The following PCDHA11 variants were observed in gnomAD, a reference collection of about 807,000 sequenced individuals.
PCDHA11 encodes the protein protocadherin alpha 11.
A neutral mutation model predicts 70.3 loss-of-function variants in PCDHA11; 61 were observed. The ratio of observed to expected loss-of-function variants is 0.87; its 90% CI spans 0.71 to 1.07. The LOEUF is 1.07. Among genes scored for constraint, PCDHA11 ranks in the 50% least tolerant of loss-of-function variants. The probability of loss-of-function intolerance (pLI) is 0.00; values close to 1 mark genes in which losing one functional copy is unlikely to be tolerated. For synonymous variants in PCDHA11, 633 were observed against 555.1 expected (o/e 1.14, Z -1.97); for missense variants, 1,324 against 1,237.5 (o/e 1.07, Z -1.05).
At chr5:140,951,047 A>T (rs2094543631) in intron 1 of PCDHA11, among the ~76,000 whole-genome samples, 1 of 151,878 alleles carries the variant, frequency 6.6e-6, no homozygotes, top group Non-Finnish European at 1.5e-5. Flanking sequence ...TTATATTTTT[A>T]TTGCTAAAAT....
intron 1 of PCDHA11, chr5:140,927,767 A>G (rs2084615997): frequency 6.2e-7 from 1 of 1,614,176 alleles, no homozygotes. Context: ...AAAAGTGGGG[A>G]GGTGCAAGTA....
chr5:140,934,999 T>C (rs2090139389), intron 1 of PCDHA11, among the ~76,000 whole-genome samples: 1 of 152,196 alleles, frequency 6.6e-6, no homozygotes, highest in Admixed American at 6.5e-5. Flanking sequence ...CCTGAATCCT[T>C]TTCATGTGAG....
chr5:140,912,640 T>C (rs181860319), intron 1 of PCDHA11, among the ~76,000 whole-genome samples: 5 of 152,296 alleles, frequency 3.3e-5, no homozygotes, highest in Non-Finnish European at 7.4e-5. Flanking sequence ...TTCAGTACTA[T>C]GTTGAATAGA....
At position 140,976,185 on chromosome 5, in the gene PCDHA11, A is replaced by G. The variant is rs545410193; in HGVS notation, c.2392-2764A>G. Among the ~76,000 whole-genome samples the G allele has an allele frequency of 4.6e-5, 7 of 152,340 alleles. No homozygotes were observed. The South Asian group carries it at 1.2e-3, about 27-fold the overall frequency. ...TTTAGTTTTGTATTGTTTTAAATCAATATCCTGGAAACTCAGAAGTAAAAA... is the reference window on the plus strand; with the variant it reads ...TTTAGTTTTGTATTGTTTTAAATCAGTATCCTGGAAACTCAGAAGTAAAAA... On this transcript the variant is annotated intron_variant, in intron 1 of 3. Coordinates refer to ENST00000398640, the MANE Select transcript of PCDHA11 (RefSeq NM_018902.5).
chr5:140,882,660 C>G lies in PCDHA11; in HGVS notation c.2391+11166C>G, dbSNP rs147326638. Reference sequence around the variant, plus strand: ...GTGAGGGACATTAACGACAACCCGCCCATATTCCCTGAAAGCAAGAAACGA... The same window carrying G: ...GTGAGGGACATTAACGACAACCCGCGCATATTCCCTGAAAGCAAGAAACGA... On this transcript the variant is annotated intron_variant, in intron 1 of 3. Coordinates refer to ENST00000398640, the MANE Select transcript of PCDHA11 (RefSeq NM_018902.5). 14 of 1,614,090 alleles carry G rather than the reference C, an allele frequency of 8.7e-6. No individual in the cohort carries two copies. Among genetic ancestry groups the G allele is most frequent in the African/African-American group, 1.3e-5 (1 of 74,928 alleles).
intron 1 of PCDHA11, chr5:140,884,593 C>A: frequency 6.2e-7 from 1 of 1,614,162 alleles, no homozygotes; most frequent in Non-Finnish European, 8.5e-7. Flanking sequence ...TCAGTCCCAG[C>A]CTTCCTCCTT....
At chr5:140,938,870 A>C (rs560302282) in intron 1 of PCDHA11, among the ~76,000 whole-genome samples, 1 of 152,264 alleles carries the variant, frequency 6.6e-6, no homozygotes, top group South Asian at 2.1e-4. Flanking sequence ...TTAAAAGTTA[A>C]GAAGCAACAC....
At chr5:140,889,240 T>C (rs782266675) in intron 1 of PCDHA11, among the ~76,000 whole-genome samples, 4 of 151,692 alleles carry the variant, frequency 2.6e-5, no homozygotes, top group Non-Finnish European at 4.4e-5. Context: ...TTCCAGAAAA[T>C]TTTCTGTTTC....
chr5:141,009,576 T>C (rs2098411921), intron 3 of PCDHA11, 51 bp from the exon 4 acceptor site: 1 of 1,583,566 alleles, frequency 6.3e-7, no homozygotes. Flanking sequence ...CAGTGTGGCA[T>C]CAAGAGCATG....
chr5:140,924,887 C>A (rs528979895), intron 1 of PCDHA11, among the ~76,000 whole-genome samples: 1 of 126,448 alleles, frequency 7.9e-6, no homozygotes, highest in African/African-American at 3.2e-5. Flanking sequence ...AGAGCAAGAA[C>A]CTGTCTCAAA....
At chr5:140,967,815 A>G in intron 1 of PCDHA11, 1 of 1,614,180 alleles carries the variant, frequency 6.2e-7, no homozygotes. Context: ...GGTCACTGCA[A>G]GGTGCTGGTG....
chr5:140,972,260 C>T (rs155805), intron 1 of PCDHA11, among the ~76,000 whole-genome samples: 8,116 of 151,624 alleles, frequency 0.054, 294 homozygotes, highest in Middle Eastern at 0.15. Flanking sequence ...ACACATCAGC[C>T]TCCTGAGTAG....
chr5:140,958,873 A>G (rs1554223676), intron 1 of PCDHA11, among the ~76,000 whole-genome samples: 1 of 152,100 alleles, frequency 6.6e-6, no homozygotes, highest in East Asian at 1.9e-4. Context: ...TTTATAAAAG[A>G]ATTGACCAGT....
chr5:140,924,103 TC>T (rs1377290150), intron 1 of PCDHA11, among the ~76,000 whole-genome samples: 1 of 152,234 alleles, frequency 6.6e-6, no homozygotes, highest in African/African-American at 2.4e-5. Flanking sequence ...AAATTTTCAT[TC>T]CAAAGCAGTT....
At chr5:140,950,914 T>C (rs1198787949) in intron 1 of PCDHA11, among the ~76,000 whole-genome samples, 1 of 152,044 alleles carries the variant, frequency 6.6e-6, no homozygotes, top group African/African-American at 2.4e-5. Flanking sequence ...TTTATTTTAT[T>C]TCAGTTCTTT....
At chr5:140,958,344 T>A (rs1247122967) in intron 1 of PCDHA11, among the ~76,000 whole-genome samples, 2 of 152,128 alleles carry the variant, frequency 1.3e-5, no homozygotes, top group African/African-American at 4.8e-5. Context: ...CACAGGAAGT[T>A]CACAGTCTGA....
intron 1 of PCDHA11, among the ~76,000 whole-genome samples, chr5:140,959,594 A>G (rs1420498368): frequency 6.6e-6 from 1 of 152,220 alleles, no homozygotes; most frequent in African/African-American, 2.4e-5. Flanking sequence ...TCAGCCAAGT[A>G]TAACATGCTT....
chr5:140,971,401 G>A (rs2096476846), intron 1 of PCDHA11, among the ~76,000 whole-genome samples: 1 of 152,164 alleles, frequency 6.6e-6, no homozygotes, highest in Admixed American at 6.5e-5. Context: ...ATTTCTGCCA[G>A]GCACTTTTGG....
At chr5:140,877,812 A>AGT (rs1199623134) in intron 1 of PCDHA11, 1 of 1,610,228 alleles carries the variant, frequency 6.2e-7, no homozygotes, top group East Asian at 2.2e-5. Context: ...AGCTGTCTCG[A>AGT]GAAGATTGTT....
Sources: allele counts gnomAD v4.1 joint callset (sites outside exome capture counted in the v4.1 genomes callset), GRCh38; gene constraint gnomAD v4.1.1; transcripts MANE v1.5; gene names NCBI Gene and HGNC (gene_info 2026-07-23, HGNC 2026-07-21).